Variants in SPOCK3 observed in about 807,000 individuals in gnomAD.
The protein encoded by SPOCK3 is testican-3.
A neutral mutation model predicts 56.6 loss-of-function variants in SPOCK3; 30 were observed. That is an observed-to-expected ratio of 0.53 (90% CI 0.40 to 0.72). The LOEUF (loss-of-function observed/expected upper bound fraction) is 0.72, where lower values mean the gene tolerates loss of function less well. Ranked by LOEUF, SPOCK3 falls within the 30% of genes least tolerant of loss-of-function variation. The pLI is 0.00. For missense variants in SPOCK3, 527 were observed against 530.0 expected (o/e 0.99, Z 0.06); for synonymous variants, 196 against 183.3 (o/e 1.07, Z -0.56).
chr4:167,147,951 A>G (rs897904180), intron 2 of SPOCK3, among the ~76,000 whole-genome samples: 2 of 151,158 alleles, frequency 1.3e-5, no homozygotes, highest in East Asian at 3.9e-4. Context: ...CAGCACTTAA[A>G]GTATAATAAA....
chr4:166,995,723 T>C (rs888512070), intron 4 of SPOCK3, among the ~76,000 whole-genome samples: 1 of 152,072 alleles, frequency 6.6e-6, no homozygotes, highest in Non-Finnish European at 1.5e-5. Flanking sequence ...GCTAAATCAA[T>C]TTAAGGCATT....
rs550267160 is a variant in SPOCK3, at chr4:167,126,977, C to T, written c.190-64440G>A. On this transcript the variant is annotated intron_variant, in intron 2 of 10. Transcript: ENST00000357545. ...TTCCCCCTCTCTCTTCTTCTGGCAACTTTACCATCATACTGCAAAGTACAG... is the reference window on the plus strand; with the variant it reads ...TTCCCCCTCTCTCTTCTTCTGGCAATTTTACCATCATACTGCAAAGTACAG... Among the ~76,000 whole-genome samples, 8 of 152,176 alleles carry T rather than the reference C, an allele frequency of 5.3e-5. No individual in the cohort carries two copies. The East Asian group carries it at 1.2e-3, about 22-fold the overall frequency.
chr4:166,991,950 GA>G (rs1747832336), intron 4 of SPOCK3, among the ~76,000 whole-genome samples: 1 of 151,808 alleles, frequency 6.6e-6, no homozygotes. Context: ...TACAAAGCAT[GA>G]TAATAAGAAA....
chr4:166,863,622 A>G (rs1156649607), intron 6 of SPOCK3, among the ~76,000 whole-genome samples: 1 of 152,128 alleles, frequency 6.6e-6, no homozygotes, highest in Non-Finnish European at 1.5e-5. Context: ...AGCAAAAAAA[A>G]AGCAGGGGTT....
chr4:167,110,082 G>T (rs931515265), intron 2 of SPOCK3, among the ~76,000 whole-genome samples: 5 of 151,896 alleles, frequency 3.3e-5, no homozygotes, highest in African/African-American at 1.2e-4. Flanking sequence ...ACCCTCCTTG[G>T]GGTCTGAAAT....
intron 6 of SPOCK3, among the ~76,000 whole-genome samples, chr4:166,851,873 A>G (rs947231093): frequency 1.9e-4 from 29 of 152,058 alleles, no homozygotes; most frequent in African/African-American, 6.8e-4. Flanking sequence ...CATTATTCAC[A>G]ATAGCAAAGA....
intron 4 of SPOCK3, among the ~76,000 whole-genome samples, chr4:166,974,222 T>A (rs915274876): frequency 1.3e-5 from 2 of 152,152 alleles, no homozygotes; most frequent in African/African-American, 4.8e-5. Flanking sequence ...TACCTCATCA[T>A]GCAAAATCCT....
chr4:167,198,681 A>G (rs775895229), intron 2 of SPOCK3, among the ~76,000 whole-genome samples: 21 of 152,116 alleles, frequency 1.4e-4, no homozygotes, highest in Non-Finnish European at 2.8e-4. Context: ...CTTAGTGTCC[A>G]TGCTTTGAAT....
chr4:166,738,170 C>G (rs566552787), intron 9 of SPOCK3, among the ~76,000 whole-genome samples: 1 of 152,050 alleles, frequency 6.6e-6, no homozygotes, highest in African/African-American at 2.4e-5. Context: ...AAATGTGACC[C>G]ACAATTTAAA....
chr4:166,896,088 TTAAGAG>T (rs1387163612), intron 5 of SPOCK3, among the ~76,000 whole-genome samples: 2 of 152,046 alleles, frequency 1.3e-5, no homozygotes, highest in Non-Finnish European at 2.9e-5. Flanking sequence ...TAGAACATTA[TTAAGAG>T]TAAGTTTCTA....
chr4:167,152,947 T>C (rs1204068099), intron 2 of SPOCK3, among the ~76,000 whole-genome samples: 1 of 152,240 alleles, frequency 6.6e-6, no homozygotes, highest in African/African-American at 2.4e-5. Context: ...TGAACTTATC[T>C]ATTTGGATAT....
intron 7 of SPOCK3, among the ~76,000 whole-genome samples, chr4:166,781,487 G>A (rs959056701): frequency 7.2e-5 from 11 of 152,120 alleles, no homozygotes; most frequent in African/African-American, 2.6e-4. Flanking sequence ...GTGAAAAGGA[G>A]TAGGAGGAAA....
At chr4:166,849,486 A>C (rs1748455734) in intron 6 of SPOCK3, among the ~76,000 whole-genome samples, 3 of 152,180 alleles carry the variant, frequency 2.0e-5, no homozygotes, top group Non-Finnish European at 2.9e-5. Context: ...GCACAATTAG[A>C]GAAAAATCAT....
chr4:166,769,983 G>A (rs1482543766), intron 7 of SPOCK3, among the ~76,000 whole-genome samples: 7 of 152,154 alleles, frequency 4.6e-5, no homozygotes, highest in Admixed American at 6.5e-5. Flanking sequence ...GGTACCCTCC[G>A]AGCCATGCAC....
At chr4:166,742,609 A>C (rs899112545) in intron 8 of SPOCK3, among the ~76,000 whole-genome samples, 8 of 152,146 alleles carry the variant, frequency 5.3e-5, no homozygotes, top group Non-Finnish European at 8.8e-5. Flanking sequence ...ACCTTATTAT[A>C]AATTTTAATA....
Position 167,151,879 on chromosome 4 carries a change from C to T in SPOCK3, c.189+82106G>A, listed in dbSNP as rs970077537. On this transcript the variant is annotated intron_variant, in intron 2 of 10. Coordinates refer to ENST00000357545, the MANE Select transcript of SPOCK3 (RefSeq NM_001040159.2). ...ATTCAGCAGCTGTATGGTTTCATTG[C>T]TATGCTCTGCTAAGTAAGCCATCTC... Among the ~76,000 whole-genome samples, 9 of 152,162 alleles carry T rather than the reference C, an allele frequency of 5.9e-5. 1 individual carries two copies. Among genetic ancestry groups the T allele is most frequent in the East Asian group, 3.9e-4 (2 of 5,180 alleles).
chr4:166,769,904 A>G (rs1010514003), intron 7 of SPOCK3, among the ~76,000 whole-genome samples: 4 of 152,058 alleles, frequency 2.6e-5, no homozygotes, highest in Non-Finnish European at 5.9e-5. Flanking sequence ...CCCCTCCCCC[A>G]GCCTTGCTGC....
intron 6 of SPOCK3, among the ~76,000 whole-genome samples, chr4:166,840,810 G>T (rs1403172844): frequency 9.0e-6 from 1 of 111,164 alleles, no homozygotes; most frequent in Non-Finnish European, 1.7e-5. Flanking sequence ...ATGCAGTCTC[G>T]CTCTGTCGCC....
intron 3 of SPOCK3, among the ~76,000 whole-genome samples, chr4:167,053,816 A>G (rs2150225947): frequency 6.6e-6 from 1 of 152,322 alleles, no homozygotes; most frequent in South Asian, 2.1e-4. Context: ...GAAACCACTG[A>G]GAAAAGACAG....
Sources: gnomAD v4.1 joint callset for allele counts (sites outside exome capture counted in the v4.1 genomes callset) on GRCh38, gnomAD v4.1.1 for gene constraint, MANE v1.5 for transcripts, NCBI Gene and HGNC (gene_info 2026-07-23, HGNC 2026-07-21) for gene names.